FLRT2: variants seen among roughly 807,000 people sequenced by gnomAD.
FLRT2 encodes the protein fibronectin leucine rich transmembrane protein 2, also known as leucine-rich repeat transmembrane protein FLRT2.
A neutral mutation model predicts 40.0 loss-of-function variants in FLRT2; 15 were observed. That is an observed-to-expected ratio of 0.38 (90% CI 0.25 to 0.58). FLRT2 has a LOEUF of 0.58. Among genes scored for constraint, FLRT2 ranks in the 20% least tolerant of loss-of-function variants. The pLI, the probability that FLRT2 is intolerant of heterozygous loss-of-function variation, is 0.71. For missense variants in FLRT2, 726 were observed against 840.0 expected (o/e 0.86, Z 1.68); for synonymous variants, 380 against 336.8 (o/e 1.13, Z -1.41).
intron 1 of FLRT2, among the ~76,000 whole-genome samples, chr14:85,571,981 C>T (rs1233064944): frequency 2.0e-5 from 3 of 152,142 alleles, no homozygotes; most frequent in East Asian, 1.9e-4. Context: ...GCCTTGAGAA[C>T]GATCACTATT....
chr14:85,547,478 C>T (rs1336064805), intron 1 of FLRT2, among the ~76,000 whole-genome samples: 1 of 152,068 alleles, frequency 6.6e-6, no homozygotes, highest in Non-Finnish European at 1.5e-5. Context: ...TGCCTGCCAC[C>T]ACACCCGGCT....
At chr14:85,561,920 C>A (rs997894709) in intron 1 of FLRT2, among the ~76,000 whole-genome samples, 8 of 152,096 alleles carry the variant, frequency 5.3e-5, no homozygotes, top group Admixed American at 4.6e-4. Context: ...GGTTTTAGTG[C>A]CCCTAAAATT....
At chr14:85,540,943 T>C (rs1353701802) in intron 1 of FLRT2, among the ~76,000 whole-genome samples, 1 of 152,186 alleles carries the variant, frequency 6.6e-6, no homozygotes, top group Non-Finnish European at 1.5e-5. Context: ...TAGGTATATA[T>C]GTGGGGAGTT....
intron 1 of FLRT2, among the ~76,000 whole-genome samples, chr14:85,592,591 C>T (rs1441132784): frequency 6.6e-6 from 1 of 151,908 alleles, no homozygotes; most frequent in African/African-American, 2.4e-5. Flanking sequence ...GAGTTTGAGA[C>T]CACCCTGGCC....
chr14:85,536,614 T>A (rs1888675078), intron 1 of FLRT2, among the ~76,000 whole-genome samples: 1 of 149,986 alleles, frequency 6.7e-6, no homozygotes, highest in Non-Finnish European at 1.5e-5. Context: ...GTGACCTCTA[T>A]CTGTGAGAAG....
intron 1 of FLRT2, among the ~76,000 whole-genome samples, chr14:85,534,041 C>G (rs1168454660): frequency 6.6e-6 from 1 of 151,620 alleles, no homozygotes; most frequent in Non-Finnish European, 1.5e-5. Flanking sequence ...CCGCTGCGCT[C>G]CCGCTTCCTC....
intron 1 of FLRT2, among the ~76,000 whole-genome samples, chr14:85,553,522 G>C (rs1245412804): frequency 1.3e-5 from 2 of 152,172 alleles, no homozygotes; most frequent in Non-Finnish European, 2.9e-5. Flanking sequence ...TATGAATTTT[G>C]TTGGCCCATG....
At chr14:85,584,520 A>C (rs2139880551) in intron 1 of FLRT2, among the ~76,000 whole-genome samples, 1 of 152,254 alleles carries the variant, frequency 6.6e-6, no homozygotes, top group Non-Finnish European at 1.5e-5. Flanking sequence ...GACATTCTGC[A>C]GTTCTTTCTC....
intron 1 of FLRT2, among the ~76,000 whole-genome samples, chr14:85,577,289 A>T (rs1031329227): frequency 2.6e-5 from 4 of 152,210 alleles, no homozygotes; most frequent in African/African-American, 4.8e-5. Context: ...GTCAATATAT[A>T]TAAAAATGGA....
In FLRT2 at chr14:85,630,158, G is replaced by A. The variant is rs79563708; in HGVS notation, c.*6661G>A. The A allele has an allele frequency of 2.7e-4, 41 of 152,104 alleles. No individual in the cohort carries two copies. The highest frequency in any genetic ancestry group is 9.9e-4 in the African/African-American group (41 of 41,496). The allele number at this position is 152,104 out of a possible 1,614,324, so 9.4% of individuals were successfully genotyped here. A position where few individuals can be genotyped will look rare whatever the true frequency, so the allele number is the denominator to read the frequency against. On this transcript the variant is annotated 3_prime_UTR_variant, in exon 2 of 2. Coordinates refer to ENST00000330753, the MANE Select transcript of FLRT2 (RefSeq NM_013231.6). ...AACATAGATAAAAATGTGTGCTTTA[G>A]GGGATATTATATAAGCTTTATTTTC... is the stretch of plus-strand genomic sequence containing the variant.
Position 85,622,654 on chromosome 14 carries a change from C to T in FLRT2, c.1140C>T (p.Thr380=). ...FTPAPSTASP[T]TQPPTLSIPN... ...CAGCCCCAAGTACAGCTTCTCCGAC[C>T]ACTCAGCCTCCCACCCTCTCTATTC... is the stretch of plus-strand genomic sequence containing the variant. The change falls in exon 2 of 2, where the codon ACC becomes ACT. Residue 380 remains threonine (T), a synonymous_variant. Coordinates refer to ENST00000330753, the MANE Select transcript of FLRT2 (RefSeq NM_013231.6). 6.2e-7 allele frequency: 1 copy of T among 1,613,970 alleles called. No homozygotes were observed. Among genetic ancestry groups the T allele is most frequent in the Non-Finnish European group, 8.5e-7 (1 of 1,180,016 alleles).
chr14:85,571,612 G>T (rs1400421974), intron 1 of FLRT2, among the ~76,000 whole-genome samples: 1 of 152,208 alleles, frequency 6.6e-6, no homozygotes, highest in Non-Finnish European at 1.5e-5. Context: ...TTACCATGGT[G>T]GAGTGGGAGG....
chr14:85,556,345 T>C (rs1305381151), intron 1 of FLRT2, among the ~76,000 whole-genome samples: 1 of 152,232 alleles, frequency 6.6e-6, no homozygotes, highest in Non-Finnish European at 1.5e-5. Flanking sequence ...TACCTTCTTT[T>C]CTTTTCCTCC....
intron 1 of FLRT2, among the ~76,000 whole-genome samples, chr14:85,536,227 A>G (rs965585283): frequency 6.6e-6 from 1 of 151,856 alleles, no homozygotes; most frequent in African/African-American, 2.4e-5. Flanking sequence ...ACAACTTTAT[A>G]TTTTCCCAGT....
chr14:85,605,169 A>G (rs902032582), intron 1 of FLRT2, among the ~76,000 whole-genome samples: 7 of 152,020 alleles, frequency 4.6e-5, no homozygotes, highest in African/African-American at 1.7e-4. Context: ...CCCTCTTCCT[A>G]TTGTCAAGAA....
chr14:85,571,801 G>A (rs993222938), intron 1 of FLRT2, among the ~76,000 whole-genome samples: 2 of 152,144 alleles, frequency 1.3e-5, no homozygotes, highest in African/African-American at 4.8e-5. Context: ...TCTCACTACG[G>A]TGACCTAAAC....
intron 1 of FLRT2, among the ~76,000 whole-genome samples, chr14:85,597,433 AC>A (rs1294123076): frequency 6.6e-6 from 1 of 152,162 alleles, no homozygotes; most frequent in Admixed American, 6.6e-5. Context: ...TATTTGTTCT[AC>A]CTGATTTTGC....
chr14:85,605,616 A>C (rs1322123312), intron 1 of FLRT2, among the ~76,000 whole-genome samples: 2 of 152,038 alleles, frequency 1.3e-5, no homozygotes, highest in African/African-American at 4.8e-5. Context: ...TAAAAATACA[A>C]AAAATTAGCT....
At chr14:85,533,682 C>T (rs559254232) in intron 1 of FLRT2, among the ~76,000 whole-genome samples, 2 of 152,210 alleles carry the variant, frequency 1.3e-5, no homozygotes, top group South Asian at 4.1e-4. Flanking sequence ...ATGCCCGAAC[C>T]CTGGAGGCGG....
Sources: gnomAD v4.1 joint callset for allele counts (sites outside exome capture counted in the v4.1 genomes callset) on GRCh38, gnomAD v4.1.1 for gene constraint, MANE v1.5 for transcripts, NCBI Gene and HGNC (gene_info 2026-07-23, HGNC 2026-07-21) for gene names.